The following PNLIPRP3 variants were observed in gnomAD, a reference collection of about 807,000 sequenced individuals.
The protein encoded by PNLIPRP3 is pancreatic lipase-related protein 3.
A neutral mutation model predicts 52.8 loss-of-function variants in PNLIPRP3; 58 were observed. The ratio of observed to expected loss-of-function variants is 1.10; its 90% CI spans 0.89 to 1.37. PNLIPRP3 has a LOEUF of 1.37. PNLIPRP3 is among the 40% of genes most tolerant of loss of function. PNLIPRP3 has a pLI of 0.00. For synonymous variants in PNLIPRP3, 192 were observed against 185.0 expected, an observed-to-expected ratio of 1.04 and a Z score of -0.31; for missense variants, 593 against 561.6, an observed-to-expected ratio of 1.06 and a Z score of -0.57.
At chr10:116,455,679 C>T (rs1428138386) in intron 4 of PNLIPRP3, 43 bp from the exon 5 acceptor site, 3 of 1,402,258 alleles carry the variant, frequency 2.1e-6, no homozygotes, top group South Asian at 2.4e-5. Context: ...AGCTATTCCA[C>T]CGCTGTTTTT....
rs1468330622 is a variant in PNLIPRP3 at position 116,477,087 on chromosome 10, C to G, written c.1341-3C>G. On this transcript the variant is annotated splice_polypyrimidine_tract_variant and splice_region_variant and intron_variant, in intron 11 of 11. Coordinates refer to ENST00000369230, the MANE Select transcript of PNLIPRP3 (RefSeq NM_001011709.3). ...CCTTTTTTTTTTCCTTAAAAACTTT[C>G]AGATCTACCTTCTGTAGCCAAGACA... is the stretch of plus-strand genomic sequence containing the variant. The G allele has an allele frequency of 3.8e-6, 6 of 1,576,522 alleles. No individual in the cohort carries two copies. The highest frequency in any genetic ancestry group is 5.2e-6 in the Non-Finnish European group (6 of 1,159,098).
intron 5 of PNLIPRP3, among the ~76,000 whole-genome samples, chr10:116,457,132 G>A (rs933138163): frequency 6.6e-6 from 1 of 152,178 alleles, no homozygotes; most frequent in African/African-American, 2.4e-5. Context: ...CATCTCAAAT[G>A]TTTCCTCCTC....
At chr10:116,438,987 G>C (rs531740098) in intron 2 of PNLIPRP3, among the ~76,000 whole-genome samples, 2 of 152,236 alleles carry the variant, frequency 1.3e-5, no homozygotes, top group East Asian at 3.9e-4. Context: ...GACACAAAAG[G>C]ACAAATAATC....
chr10:116,446,685 C>G (rs74158465), intron 4 of PNLIPRP3, among the ~76,000 whole-genome samples: 3,425 of 152,246 alleles, frequency 0.022, 134 homozygotes, highest in African/African-American at 0.079. Context: ...CACACTGATT[C>G]AACAGTAACA....
At chr10:116,441,305 A>C (rs1845854730) in intron 2 of PNLIPRP3, among the ~76,000 whole-genome samples, 1 of 152,222 alleles carries the variant, frequency 6.6e-6, no homozygotes, top group African/African-American at 2.4e-5. Flanking sequence ...TGATGTGAAT[A>C]AACTCCTTTT....
At chr10:116,459,782 T>C (rs1490313036) in intron 5 of PNLIPRP3, among the ~76,000 whole-genome samples, 1 of 152,172 alleles carries the variant, frequency 6.6e-6, no homozygotes, top group African/African-American at 2.4e-5. Context: ...CTTTTTCTTT[T>C]TTTGAGATGG....
chr10:116,429,379 C>T (rs1845678470), intron 1 of PNLIPRP3, among the ~76,000 whole-genome samples: 1 of 152,166 alleles, frequency 6.6e-6, no homozygotes. Flanking sequence ...AAGGGATACT[C>T]AATCTGCAAT....
At chr10:116,447,753 T>C (rs937119837) in intron 4 of PNLIPRP3, among the ~76,000 whole-genome samples, 1 of 152,084 alleles carries the variant, frequency 6.6e-6, no homozygotes, top group African/African-American at 2.4e-5. Context: ...CTGGTCAGCA[T>C]GGTGAAACCC....
intron 1 of PNLIPRP3, among the ~76,000 whole-genome samples, chr10:116,431,148 C>T (rs952853376): frequency 2.0e-5 from 3 of 152,270 alleles, no homozygotes; most frequent in Admixed American, 2.0e-4. Context: ...AGAACCTGAC[C>T]ACTTGTAACC....
rs1846487484 is a variant in PNLIPRP3 at position 116,477,250 on chromosome 10, G to T, written c.*97G>T. The T allele has an allele frequency of 2.0e-6, 2 of 982,700 alleles. No individual in the cohort carries two copies. The highest frequency in any genetic ancestry group is 3.0e-6 in the Non-Finnish European group (2 of 655,988). 60.9% of individuals were successfully genotyped at this position (982,700 alleles called of 1,614,324 possible). A position where few individuals can be genotyped will look rare whatever the true frequency, so the allele number is the denominator to read the frequency against. On this transcript the variant is annotated 3_prime_UTR_variant, in exon 12 of 12. Coordinates refer to ENST00000369230, the MANE Select transcript of PNLIPRP3 (RefSeq NM_001011709.3). ...CAGACCAAATTTGACCCTTGTAAAT[G>T]ACTTAGTCATTTACAAGGGTCTTAC...
chr10:116,462,093 C>T (rs183614102), intron 7 of PNLIPRP3, among the ~76,000 whole-genome samples: 13 of 152,140 alleles, frequency 8.5e-5, no homozygotes, highest in Non-Finnish European at 1.9e-4. Flanking sequence ...AGAGAAGAGA[C>T]GTGGTTTGAG....
intron 11 of PNLIPRP3, 91 bp downstream of exon 11, chr10:116,476,910 T>C: frequency 7.5e-7 from 1 of 1,342,116 alleles, no homozygotes; most frequent in South Asian, 1.5e-5. Flanking sequence ...GCAAGTAGCA[T>C]AAAAATTTAT....
At chr10:116,469,086 A>G (rs1474380036) in intron 8 of PNLIPRP3, 99 bp from the exon 9 acceptor site, 1 of 1,204,048 alleles carries the variant, frequency 8.3e-7, no homozygotes. Context: ...CTTTATTTAG[A>G]TCCTGGAGAT....
intron 10 of PNLIPRP3, among the ~76,000 whole-genome samples, chr10:116,472,987 G>A (rs1846399221): frequency 1.3e-5 from 2 of 152,216 alleles, no homozygotes; most frequent in African/African-American, 4.8e-5. Context: ...GTGGTTTTGA[G>A]GCTCACAGGA....
intron 1 of PNLIPRP3, among the ~76,000 whole-genome samples, chr10:116,432,363 T>C (rs1369590541): frequency 2.6e-5 from 4 of 152,224 alleles, no homozygotes; most frequent in Non-Finnish European, 5.9e-5. Context: ...ACTAGCTTCA[T>C]GTAATGTGCT....
chr10:116,443,801 G>GTATATATA lies in PNLIPRP3; in HGVS notation c.325-581_325-580insTATATATA, dbSNP rs1845898955. 9.0e-4 allele frequency among the ~76,000 whole-genome samples: 10 copies of GTATATATA among 11,158 alleles called. 1 individual carries two copies. Among genetic ancestry groups the GTATATATA allele is most frequent in the African/African-American group, 1.4e-3 (7 of 5,148 alleles). 7.3% of individuals were successfully genotyped at this position (11,158 alleles called of 152,430 possible). A position where few individuals can be genotyped will look rare whatever the true frequency, so the allele number is the denominator to read the frequency against. ...TGTGTGTGTGTATGTATGTGTGTGT[G>GTATATATA]CATATATATATATATATATATATAT... On this transcript the variant is annotated intron_variant, in intron 3 of 11. Transcript: ENST00000369230.
At chr10:116,451,305 A>G (rs138172066) in intron 4 of PNLIPRP3, among the ~76,000 whole-genome samples, 2 of 152,374 alleles carry the variant, frequency 1.3e-5, no homozygotes, top group Non-Finnish European at 2.9e-5. Flanking sequence ...AGACAAACAT[A>G]ACACCTAAAA....
Position 116,477,262 on chromosome 10 carries a change from T to A in PNLIPRP3, c.*109T>A. On this transcript the variant is annotated 3_prime_UTR_variant, in exon 12 of 12. Transcript: ENST00000369230. The stretch of plus-strand genomic sequence containing the variant: ...GACCCTTGTAAATGACTTAGTCATT[T>A]ACAAGGGTCTTACTCAGAGTCAAGT... 2 of 826,554 alleles carry A rather than the reference T, an allele frequency of 2.4e-6. No homozygotes were observed. Among genetic ancestry groups the A allele is most frequent in the Non-Finnish European group, 3.8e-6 (2 of 523,350 alleles). The allele number at this position is 826,554 out of a possible 1,614,324, so 51.2% of individuals were successfully genotyped here. A position where few individuals can be genotyped will look rare whatever the true frequency, so the allele number is the denominator to read the frequency against.
At chr10:116,465,526 C>T (rs1822062916) in intron 7 of PNLIPRP3, among the ~76,000 whole-genome samples, 1 of 151,224 alleles carries the variant, frequency 6.6e-6, no homozygotes, top group Non-Finnish European at 1.5e-5. Context: ...CAGAGCCAGA[C>T]TCCATCTAAA....
Sources: allele counts gnomAD v4.1 joint callset (sites outside exome capture counted in the v4.1 genomes callset), GRCh38; gene constraint gnomAD v4.1.1; transcripts MANE v1.5; gene names NCBI Gene and HGNC (gene_info 2026-07-23, HGNC 2026-07-21).